Variants in TNR observed in about 807,000 individuals in gnomAD.
TNR encodes tenascin R.
Under a neutral mutation model 150.4 loss-of-function variants are expected in TNR, and 45 were observed. The observed-to-expected ratio is 0.30, with a 90% confidence interval of 0.24 to 0.38. The LOEUF is 0.38. TNR is among the 10% of genes least tolerant of loss of function. The pLI, the probability that TNR is intolerant of heterozygous loss-of-function variation, is 1.00. For synonymous variants in TNR, 687 were observed against 678.4 expected, an observed-to-expected ratio of 1.01 and a Z score of -0.20; for missense variants, 1,544 against 1,759.1, an observed-to-expected ratio of 0.88 and a Z score of 2.19.
At position 175,552,657 on chromosome 1, in the gene TNR, AT is replaced by A. The variant is rs1169914529; in HGVS notation, c.-164-24289del. The stretch of plus-strand genomic sequence containing the variant: ...ATACGGCACGATTTTGGAAGAAGTC[AT>A]TATCTCTGGTACATTGTCTATTTGA... On this transcript the variant is annotated intron_variant, in intron 1 of 22. Coordinates refer to ENST00000367674, the MANE Select transcript of TNR (RefSeq NM_003285.3). Among the ~76,000 whole-genome samples, 3 of 152,176 alleles carry A rather than the reference AT, an allele frequency of 2.0e-5. No individual in the cohort carries two copies. In the East Asian group the frequency reaches 5.8e-4, roughly 29 times the overall value.
chr1:175,517,491 ATCT>A (rs1224065917), intron 2 of TNR, among the ~76,000 whole-genome samples: 1 of 152,102 alleles, frequency 6.6e-6, no homozygotes, highest in Non-Finnish European at 1.5e-5. Flanking sequence ...CTCTTCCCTA[ATCT>A]TCTCCTTATA....
rs750577544 is a variant in TNR, at chr1:175,396,595, C to T, written c.1189G>A (p.Ala397Thr). The T allele has an allele frequency of 2.7e-5, 44 of 1,614,120 alleles. No homozygotes were observed. Among genetic ancestry groups the T allele is most frequent in the South Asian group, 7.7e-5 (7 of 91,092 alleles). The change falls in exon 5 of 23, where the codon GCT becomes ACT. Residue 397 changes from alanine (A) to threonine (T), a missense_variant. Ala to Thr is a moderately conservative substitution (Grantham distance 58). Coordinates refer to ENST00000367674, the MANE Select transcript of TNR (RefSeq NM_003285.3). The stretch of plus-strand genomic sequence containing the variant: ...AGGCTGAGGATGTTGCTAATGACAG[C>T]GTAGACGCTGATGTTGTAGGTGAGA... The part of the protein sequence containing the change: ...PGLTYNISVY[A>T]VISNILSLPI...
Position 175,363,693 on chromosome 1 carries a change from A to T in TNR, c.2707+15T>A. On this transcript the variant is annotated intron_variant, in intron 13 of 22. Transcript: ENST00000367674. ...CAAATCCTAGTATCTTTGAGAAATC[A>T]AATCACTTTGTTACCTTGGGTGGGT... 6.2e-7 allele frequency: 1 copy of T among 1,611,092 alleles called. No individual in the cohort carries two copies. Among genetic ancestry groups the T allele is most frequent in the Non-Finnish European group, 8.5e-7 (1 of 1,178,662 alleles).
intron 1 of TNR, among the ~76,000 whole-genome samples, chr1:175,686,055 GCA>G (rs142990409): frequency 4.0e-5 from 6 of 149,292 alleles, no homozygotes; most frequent in East Asian, 2.0e-4. Context: ...ACGCACACAC[GCA>G]CACACACACA....
intron 2 of TNR, among the ~76,000 whole-genome samples, chr1:175,480,595 C>A (rs76999950): frequency 0.014 from 2,078 of 152,226 alleles, 49 homozygotes; most frequent in African/African-American, 0.048. Context: ...AACATTATGC[C>A]CAGCGTCGTG....
chr1:175,425,625 C>T (rs1202082116), intron 2 of TNR, among the ~76,000 whole-genome samples: 3 of 152,160 alleles, frequency 2.0e-5, no homozygotes, highest in Non-Finnish European at 4.4e-5. Context: ...AGAAAATGGC[C>T]TTAATTGACC....
intron 1 of TNR, among the ~76,000 whole-genome samples, chr1:175,681,934 C>T (rs1366074203): frequency 1.3e-5 from 2 of 152,096 alleles, no homozygotes; most frequent in Non-Finnish European, 2.9e-5. Context: ...CCTTCTGCCC[C>T]CCGACCCCCA....
At chr1:175,561,804 T>A (rs1661438589) in intron 1 of TNR, among the ~76,000 whole-genome samples, 1 of 152,238 alleles carries the variant, frequency 6.6e-6, no homozygotes, top group Admixed American at 6.5e-5. Flanking sequence ...CTATAATGGC[T>A]TGGTATGTAT....
intron 2 of TNR, among the ~76,000 whole-genome samples, chr1:175,415,243 G>A (rs988491084): frequency 6.6e-6 from 1 of 151,948 alleles, no homozygotes; most frequent in African/African-American, 2.4e-5. Flanking sequence ...TATGAAAGAC[G>A]AGGGTGTAAT....
intron 1 of TNR, among the ~76,000 whole-genome samples, chr1:175,641,394 T>C (rs1032943667): frequency 6.6e-6 from 1 of 152,108 alleles, no homozygotes; most frequent in Non-Finnish European, 1.5e-5. Context: ...AAGATAAAAA[T>C]AAATGAGTTG....
At chr1:175,426,895 T>C (rs1335924819) in intron 2 of TNR, among the ~76,000 whole-genome samples, 1 of 68,024 alleles carries the variant, frequency 1.5e-5, no homozygotes, top group Non-Finnish European at 2.7e-5. Context: ...TATAAATATA[T>C]ATAAAATATA....
At chr1:175,418,241 T>A (rs991999572) in intron 2 of TNR, among the ~76,000 whole-genome samples, 4 of 151,920 alleles carry the variant, frequency 2.6e-5, no homozygotes, top group Admixed American at 1.3e-4. Context: ...GAGAAAGATA[T>A]TCATATAACA....
chr1:175,365,920 T>C lies in TNR; in HGVS notation c.2272A>G (p.Arg758Gly). 2 of 1,614,066 alleles carry C rather than the reference T, an allele frequency of 1.2e-6. No homozygotes were observed. The highest frequency in any genetic ancestry group is 1.7e-6 in the Non-Finnish European group (2 of 1,179,980). ...GACTCCAAGCTCTGCTGCCGACCCC[T>C]CTCAGCAGTGACGGAAATGATGTAC... ...AEYIISVTAERGRQQSLESTV... is the reference protein window; with the variant it reads ...AEYIISVTAEGGRQQSLESTV... The change falls in exon 11 of 23, where the codon AGG (arginine) becomes GGG (glycine). Residue 758 changes from arginine (R) to glycine (G), a missense_variant. Coordinates refer to ENST00000367674, the MANE Select transcript of TNR (RefSeq NM_003285.3).
intron 1 of TNR, among the ~76,000 whole-genome samples, chr1:175,663,986 G>C (rs1374517752): frequency 6.6e-6 from 1 of 152,150 alleles, no homozygotes. Context: ...GTCCAAGTGT[G>C]GGTCCCAGGG....
chr1:175,537,046 C>T (rs576641595), intron 1 of TNR, among the ~76,000 whole-genome samples: 3 of 152,270 alleles, frequency 2.0e-5, no homozygotes, highest in South Asian at 2.1e-4. Context: ...GCAGGAAGTT[C>T]GGGTGGCCAA....
At chr1:175,392,231 G>A (rs1653207361) in intron 6 of TNR, among the ~76,000 whole-genome samples, 1 of 152,156 alleles carries the variant, frequency 6.6e-6, no homozygotes. Flanking sequence ...TACTTTCTAT[G>A]AGTGTCCTTA....
chr1:175,331,087 T>C (rs577404450), intron 20 of TNR, among the ~76,000 whole-genome samples: 5 of 113,498 alleles, frequency 4.4e-5, no homozygotes, highest in African/African-American at 9.7e-5. Context: ...CCTTCTTTCT[T>C]TCTTTCTTTC....
chr1:175,682,610 G>A (rs1171092323), intron 1 of TNR, among the ~76,000 whole-genome samples: 1 of 152,156 alleles, frequency 6.6e-6, no homozygotes, highest in Non-Finnish European at 1.5e-5. Context: ...CACGCCTTAT[G>A]ATTATGGCAT....
At chr1:175,408,157 A>C (rs1654042840) in intron 2 of TNR, among the ~76,000 whole-genome samples, 1 of 151,884 alleles carries the variant, frequency 6.6e-6, no homozygotes, top group African/African-American at 2.4e-5. Context: ...GCTTCTCCCC[A>C]CCTGGACTGC....
Sources: allele counts gnomAD v4.1 joint callset (sites outside exome capture counted in the v4.1 genomes callset), GRCh38; gene constraint gnomAD v4.1.1; transcripts MANE v1.5; gene names NCBI Gene and HGNC (gene_info 2026-07-23, HGNC 2026-07-21).